Variants in MTHFD2L observed in about 807,000 individuals in gnomAD.
The protein encoded by MTHFD2L is bifunctional methylenetetrahydrofolate dehydrogenase/cyclohydrolase 2, mitochondrial.
MTHFD2L carries 29 observed loss-of-function variants against 34.9 expected under a neutral mutation model. The ratio of observed to expected loss-of-function variants is 0.83; its 90% CI spans 0.62 to 1.13. MTHFD2L has a LOEUF of 1.13. Ranked by LOEUF, MTHFD2L falls within the 50% of genes most tolerant of loss-of-function variation. The pLI is 0.00. For synonymous variants in MTHFD2L, 167 were observed against 155.7 expected (o/e 1.07, Z -0.54); for missense variants, 481 against 446.5 (o/e 1.08, Z -0.70).
chr4:74,180,861 G>T, intron 3 of MTHFD2L: 1 of 206,858 alleles, frequency 4.8e-6, no homozygotes, highest in Admixed American at 4.7e-5. Flanking sequence ...TGGTCACTTT[G>T]TCGAGGTAAG....
At chr4:74,168,100 TC>T (rs1286318860) in intron 1 of MTHFD2L, among the ~76,000 whole-genome samples, 1 of 152,198 alleles carries the variant, frequency 6.6e-6, no homozygotes, top group Non-Finnish European at 1.5e-5. Flanking sequence ...ATAGAGTCTA[TC>T]CTTCATATTT....
chr4:74,230,590 A>C (rs1464082889), intron 6 of MTHFD2L, among the ~76,000 whole-genome samples: 4 of 20,370 alleles, frequency 2.0e-4, no homozygotes, highest in African/African-American at 3.2e-4. Flanking sequence ...ACTCTGTCTC[A>C]GAAAAAAAAA....
intron 6 of MTHFD2L, among the ~76,000 whole-genome samples, chr4:74,264,690 A>G (rs1745079113): frequency 6.6e-6 from 1 of 151,970 alleles, no homozygotes; most frequent in African/African-American, 2.4e-5. Flanking sequence ...AATATTTTTA[A>G]GTACAAACTT....
chr4:74,204,765 A>G (rs1304546149), intron 5 of MTHFD2L, among the ~76,000 whole-genome samples: 1 of 152,160 alleles, frequency 6.6e-6, no homozygotes, highest in Non-Finnish European at 1.5e-5. Context: ...TATCCTGTGA[A>G]TTAAACATTT....
At chr4:74,143,149 C>CAAAA (rs375191203) in intron 1 of MTHFD2L, among the ~76,000 whole-genome samples, 2 of 151,468 alleles carry the variant, frequency 1.3e-5, no homozygotes, top group East Asian at 3.9e-4. Context: ...AACAAACAAA[C>CAAAA]AAAAAAAACA....
At chr4:74,221,461 T>C (rs1192702254) in intron 5 of MTHFD2L, among the ~76,000 whole-genome samples, 1 of 151,840 alleles carries the variant, frequency 6.6e-6, no homozygotes, top group Non-Finnish European at 1.5e-5. Flanking sequence ...TTCTTATGTA[T>C]ATATTATTTT....
At chr4:74,279,394 T>A (rs2110270752) in intron 6 of MTHFD2L, among the ~76,000 whole-genome samples, 1 of 152,160 alleles carries the variant, frequency 6.6e-6, no homozygotes, top group African/African-American at 2.4e-5. Context: ...AACAGTGATT[T>A]TTATTTTCAT....
intron 2 of MTHFD2L, 105 bp from the exon 3 acceptor site, chr4:74,175,176 G>C: frequency 8.1e-7 from 1 of 1,230,728 alleles, no homozygotes; most frequent in Non-Finnish European, 1.1e-6. Flanking sequence ...TGGAACATCA[G>C]AACCTTTCAC....
chr4:74,192,434 A>G (rs1732710725), intron 3 of MTHFD2L, among the ~76,000 whole-genome samples: 1 of 152,204 alleles, frequency 6.6e-6, no homozygotes, highest in Non-Finnish European at 1.5e-5. Context: ...ATTTAAAGGT[A>G]AGAACACTTA....
At chr4:74,138,510 C>A (rs1010623924) in intron 1 of MTHFD2L, among the ~76,000 whole-genome samples, 14 of 152,248 alleles carry the variant, frequency 9.2e-5, no homozygotes, top group African/African-American at 3.4e-4. Context: ...TGGAACCCAG[C>A]GACTAGTGTT....
At chr4:74,301,268 A>G (rs371499286) in intron 7 of MTHFD2L, among the ~76,000 whole-genome samples, 2 of 152,098 alleles carry the variant, frequency 1.3e-5, no homozygotes, top group African/African-American at 4.8e-5. Flanking sequence ...ATACATTGTG[A>G]TATTGTTATA....
At position 74,201,263 on chromosome 4, in the gene MTHFD2L, G is replaced by T. The variant is rs370317706; in HGVS notation, c.605G>T (p.Gly202Val). The change falls in exon 5 of 8, where the codon GGA becomes GTA. Residue 202 changes from glycine (G) to valine (V), a missense_variant and splice_region_variant. By Grantham distance (109) the Gly-to-Val change is moderately radical. Coordinates refer to ENST00000325278, the MANE Select transcript of MTHFD2L (RefSeq NM_001144978.3). ...TTTAAACCGAACTCTGTATTTTAAG[G>T]AATTCAAACATTTGGAAAAAATGTG... Reference protein sequence around the residue: ...SAVWEIIKRTGIQTFGKNVVV... With the variant: ...SAVWEIIKRTVIQTFGKNVVV... 6.2e-7 allele frequency: 1 copy of T among 1,611,956 alleles called. No homozygotes were observed. Among genetic ancestry groups the T allele is most frequent in the African/African-American group, 1.3e-5 (1 of 74,960 alleles).
chr4:74,288,718 C>CT (rs1211360433), intron 7 of MTHFD2L, among the ~76,000 whole-genome samples: 2 of 152,134 alleles, frequency 1.3e-5, no homozygotes, highest in Non-Finnish European at 2.9e-5. Context: ...GAAGACATAT[C>CT]TTGGCTCAGA....
intron 6 of MTHFD2L, among the ~76,000 whole-genome samples, chr4:74,251,484 G>A (rs1364038665): frequency 1.3e-5 from 2 of 152,110 alleles, no homozygotes; most frequent in Non-Finnish European, 2.9e-5. Context: ...ACTCTTTTTA[G>A]CTTCCTAAAT....
chr4:74,131,274 C>T (rs1180694565), intron 1 of MTHFD2L, among the ~76,000 whole-genome samples: 1 of 152,098 alleles, frequency 6.6e-6, no homozygotes, highest in Admixed American at 6.5e-5. Flanking sequence ...CCCATATAGC[C>T]CAGACAATCC....
At chr4:74,245,848 G>C (rs1330350835) in intron 6 of MTHFD2L, among the ~76,000 whole-genome samples, 15 of 151,524 alleles carry the variant, frequency 9.9e-5, no homozygotes, top group African/African-American at 3.2e-4. Flanking sequence ...TGGTGTATAT[G>C]TGCCACATTT....
At chr4:74,223,336 G>T (rs139213875) in intron 5 of MTHFD2L, among the ~76,000 whole-genome samples, 286 of 152,004 alleles carry the variant, frequency 1.9e-3, no homozygotes, top group African/African-American at 6.4e-3. Context: ...TGGAGCTGGA[G>T]GCCATTATCT....
chr4:74,244,534 A>G (rs1405537653), intron 6 of MTHFD2L, among the ~76,000 whole-genome samples: 1 of 152,138 alleles, frequency 6.6e-6, no homozygotes, highest in African/African-American at 2.4e-5. Flanking sequence ...TTCTCATGAG[A>G]TCAATAGTGC....
chr4:74,263,305 C>T (rs1449127842), intron 6 of MTHFD2L, among the ~76,000 whole-genome samples: 1 of 151,830 alleles, frequency 6.6e-6, no homozygotes. Context: ...ATTGCCTTGG[C>T]TATTTGAGCT....
Sources: allele counts gnomAD v4.1 joint callset (sites outside exome capture counted in the v4.1 genomes callset), GRCh38; gene constraint gnomAD v4.1.1; transcripts MANE v1.5; gene names NCBI Gene and HGNC (gene_info 2026-07-23, HGNC 2026-07-21).